MED6: variants seen among roughly 807,000 people sequenced by gnomAD.
MED6 encodes mediator of RNA polymerase II transcription subunit 6.
MED6 carries 33 observed loss-of-function variants against 37.5 expected under a neutral mutation model. The observed-to-expected ratio is 0.88, with a 90% confidence interval of 0.67 to 1.18. The LOEUF is 1.18. Ranked by LOEUF, MED6 falls within the 50% of genes most tolerant of loss-of-function variation. The pLI is 0.00. For synonymous variants in MED6, 94 were observed against 93.6 expected (o/e 1.00, Z -0.02); for missense variants, 235 against 290.6 (o/e 0.81, Z 1.39).
rs1292154372 is a variant in MED6 at position 70,588,681 on chromosome 14, G to A, written c.582+2585C>T. 8.0e-5 allele frequency among the ~76,000 whole-genome samples: 11 copies of A among 136,790 alleles called. No individual in the cohort carries two copies. The East Asian group carries it at 1.5e-3, about 18-fold the overall frequency. The allele number at this position is 136,790 out of a possible 152,430, so 89.7% of individuals were successfully genotyped here. On this transcript the variant is annotated intron_variant, in intron 6 of 7. Coordinates refer to ENST00000256379, the MANE Select transcript of MED6 (RefSeq NM_005466.4). ...AGCCTGGGCGACAGAGTGAGACTCC[G>A]TCTCAAAAATAATAATAATAATAAT...
At position 70,584,502 on chromosome 14, in the gene MED6, A is replaced by C. The variant is rs1167133232; in HGVS notation, c.*311T>G. The C allele has an allele frequency of 3.2e-6, 1 of 312,182 alleles. No homozygotes were observed. The highest frequency in any genetic ancestry group is 5.9e-6 in the Non-Finnish European group (1 of 170,712). The allele number at this position is 312,182 out of a possible 1,614,324, so 19.3% of individuals were successfully genotyped here. Reference sequence around the variant, plus strand: ...GCAAGTCTCCTGTCTCAGCCTCCCGAGTAGCTGGGACTATGGGCGCCCGCC... The same window carrying C: ...GCAAGTCTCCTGTCTCAGCCTCCCGCGTAGCTGGGACTATGGGCGCCCGCC... On this transcript the variant is annotated 3_prime_UTR_variant, in exon 8 of 8. Transcript: ENST00000256379.
intron 1 of MED6, among the ~76,000 whole-genome samples, chr14:70,600,009 C>G (rs1351744312): frequency 6.6e-6 from 1 of 152,088 alleles, no homozygotes; most frequent in African/African-American, 2.4e-5. Context: ...TCCCCAAGAT[C>G]AAGCAGCAGT....
intron 5 of MED6, chr14:70,592,478 C>CTTTTTTTTTTTTTTT (rs201036704): frequency 5.6e-5 from 5 of 88,858 alleles, no homozygotes; most frequent in African/African-American, 2.9e-4. Context: ...TCCTATGTTC[C>CTTTTTTTTTTTTTTT]TTTTTTTTTT....
At chr14:70,593,680 T>C (rs1380967748) in intron 3 of MED6, among the ~76,000 whole-genome samples, 1 of 152,202 alleles carries the variant, frequency 6.6e-6, no homozygotes, top group Non-Finnish European at 1.5e-5. Context: ...CTTCTCAAAT[T>C]TTAATGTGCA....
chr14:70,585,871 A>G, intron 6 of MED6, 88 bp from the exon 7 acceptor site: 2 of 1,021,288 alleles, frequency 2.0e-6, no homozygotes, highest in South Asian at 3.1e-5. Context: ...TCCTGATGTC[A>G]TATTAATAAA....
chr14:70,583,428 A>G lies in MED6; in HGVS notation c.*1385T>C, dbSNP rs1884605629. 6.6e-6 allele frequency: 1 copy of G among 152,230 alleles called. No individual in the cohort carries two copies. Among genetic ancestry groups the G allele is most frequent in the African/African-American group, 2.4e-5 (1 of 41,446 alleles). The allele number at this position is 152,230 out of a possible 1,614,324, so 9.4% of individuals were successfully genotyped here. ...AATTCAGTGGTAGCAATTCTGGAAA[A>G]CCTGATACATACTTTCAAACTTCGC... is the stretch of plus-strand genomic sequence containing the variant. On this transcript the variant is annotated 3_prime_UTR_variant, in exon 8 of 8. Coordinates refer to ENST00000256379, the MANE Select transcript of MED6 (RefSeq NM_005466.4).
In MED6 at chr14:70,595,506, C is replaced by G. The variant is rs550884147; in HGVS notation, c.274+1105G>C. ...TCTGAAGGCCAGCTTGGAGAACAGC[C>G]TGAGGGAGGTGGAGGCCTGCTATAC... On this transcript the variant is annotated intron_variant, in intron 3 of 7. Coordinates refer to ENST00000256379, the MANE Select transcript of MED6 (RefSeq NM_005466.4). The G allele has an allele frequency of 4.5e-4, 299 of 668,474 alleles. 2 individuals are homozygous for G. Among genetic ancestry groups the G allele is most frequent in the South Asian group, 3.7e-3 (250 of 66,924 alleles). The allele number at this position is 668,474 out of a possible 1,614,324, so 41.4% of individuals were successfully genotyped here.
At chr14:70,589,344 T>C (rs947277131) in intron 6 of MED6, among the ~76,000 whole-genome samples, 3 of 152,126 alleles carry the variant, frequency 2.0e-5, no homozygotes, top group Non-Finnish European at 4.4e-5. Context: ...ACTTCACATG[T>C]GATTTCCTAA....
chr14:70,588,745 G>T (rs75794668), intron 6 of MED6, among the ~76,000 whole-genome samples: 1,628 of 147,466 alleles, frequency 0.011, 74 homozygotes, highest in East Asian at 0.092. Context: ...ATAATAATTG[G>T]GAGGAAGTAG....
Position 70,593,371 on chromosome 14 carries a change from T to C in MED6, c.282A>G (p.Pro94=), listed in dbSNP as rs1884942395. ...QQRQSPAQVI[P]LADYYIIAGV... ...CAGCAATGATATAGTAATCAGCTAG[T>C]GGGATAACTAAAACAGTGGGAAAAA... The change falls in exon 4 of 8, where the codon CCA becomes CCG. Residue 94 remains proline, a synonymous_variant. Transcript: ENST00000256379. 2 of 1,612,430 alleles carry C rather than the reference T, an allele frequency of 1.2e-6. No individual in the cohort carries two copies. The highest frequency in any genetic ancestry group is 1.3e-5 in the African/African-American group (1 of 74,868).
intron 4 of MED6, 118 bp from the exon 5 acceptor site, chr14:70,593,106 C>A: frequency 7.1e-7 from 1 of 1,407,124 alleles, no homozygotes; most frequent in Non-Finnish European, 9.7e-7. Context: ...ACCTAAATTA[C>A]TATATAATTG....
intron 6 of MED6, among the ~76,000 whole-genome samples, chr14:70,586,770 TG>T: frequency 6.6e-6 from 1 of 152,296 alleles, no homozygotes; most frequent in South Asian, 2.1e-4. Flanking sequence ...CTACTCCAAC[TG>T]CAAGTCCTGG....
In MED6 at chr14:70,600,625, C is replaced by T; in HGVS notation, c.13G>A (p.Asp5Asn). Reference sequence around the variant, plus strand: ...TAGCAATACAGTATACCTCGGATATCCACCGCCGCCATAATTCCGAGAGCG... The same window carrying T: ...TAGCAATACAGTATACCTCGGATATTCACCGCCGCCATAATTCCGAGAGCG... MAAV[D>N]IRDNLLGISW... Residue 5 changes from aspartate to asparagine, a missense_variant, in exon 1 of 8, where the codon GAT (aspartate) becomes AAT (asparagine). Asp to Asn is a conservative substitution (Grantham distance 23, BLOSUM62 1). Transcript: ENST00000256379. The T allele has an allele frequency of 1.2e-6, 2 of 1,613,104 alleles. No homozygotes were observed. Among genetic ancestry groups the T allele is most frequent in the Non-Finnish European group, 1.7e-6 (2 of 1,179,842 alleles).
At chr14:70,588,468 G>T (rs998932920) in intron 6 of MED6, among the ~76,000 whole-genome samples, 3 of 151,972 alleles carry the variant, frequency 2.0e-5, no homozygotes, top group African/African-American at 7.2e-5. Context: ...GGCAGATCAC[G>T]AGGTCAGGAG....
intron 6 of MED6, among the ~76,000 whole-genome samples, chr14:70,589,711 A>G (rs1342049205): frequency 6.6e-6 from 1 of 152,192 alleles, no homozygotes; most frequent in Non-Finnish European, 1.5e-5. Context: ...ATTAAATCCC[A>G]GCTCCTTTGC....
intron 3 of MED6, chr14:70,595,563 C>A: frequency 1.4e-6 from 1 of 706,036 alleles, no homozygotes; most frequent in East Asian, 2.9e-5. Flanking sequence ...CAGGATCCTG[C>A]TGTACCTGGA....
At chr14:70,594,675 G>C (rs1427681220) in intron 3 of MED6, 1 of 454,992 alleles carries the variant, frequency 2.2e-6, no homozygotes, top group Non-Finnish European at 4.2e-6. Context: ...CGGAGGCTCT[G>C]GTTCCCAGAT....
intron 6 of MED6, among the ~76,000 whole-genome samples, chr14:70,588,320 T>C (rs1032053189): frequency 6.6e-6 from 1 of 152,116 alleles, no homozygotes; most frequent in Non-Finnish European, 1.5e-5. Context: ...TAAGTATGAA[T>C]GTGGCTAAAC....
chr14:70,590,606 G>T (rs560148555), intron 6 of MED6, among the ~76,000 whole-genome samples: 1 of 152,300 alleles, frequency 6.6e-6, no homozygotes, highest in East Asian at 1.9e-4. Context: ...TATGTACATT[G>T]TAAAGGTCCA....
Sources: allele counts gnomAD v4.1 joint callset (sites outside exome capture counted in the v4.1 genomes callset), GRCh38; gene constraint gnomAD v4.1.1; transcripts MANE v1.5; gene names NCBI Gene and HGNC (gene_info 2026-07-23, HGNC 2026-07-21).